Variants in NRK observed in about 807,000 individuals in gnomAD.
NRK encodes the protein Nik related kinase.
A neutral mutation model predicts 125.2 loss-of-function variants in NRK; 67 were observed. That is an observed-to-expected ratio of 0.54 (90% CI 0.44 to 0.66). The LOEUF is 0.66. NRK is among the 30% of genes least tolerant of loss of function. The probability of loss-of-function intolerance (pLI) is 0.00; values close to 1 mark genes in which losing one functional copy is unlikely to be tolerated. For synonymous variants in NRK, 458 were observed against 429.0 expected (o/e 1.07, Z -0.84); for missense variants, 1,224 against 1,192.9 (o/e 1.03, Z -0.38).
In NRK at chrX:105,906,550, A is replaced by G; in HGVS notation, c.982A>G (p.Arg328Gly). 1 of 1,135,548 alleles carries G rather than the reference A, an allele frequency of 8.8e-7. No individual in the cohort carries two copies. Among genetic ancestry groups the G allele is most frequent in the Non-Finnish European group, 1.2e-6 (1 of 846,149 alleles). 93.6% of individuals were successfully genotyped at this position (1,135,548 alleles called of 1,213,427 possible). A position where few individuals can be genotyped will look rare whatever the true frequency, so the allele number is the denominator to read the frequency against. ...ACGACATGTTGTTGAGTCATTAACAAGGCATCTTACTGGAATCATTAAAAA... is the reference window on the plus strand; with the variant it reads ...ACGACATGTTGTTGAGTCATTAACAGGGCATCTTACTGGAATCATTAAAAA... ...NERHVVESLT[R>G]HLTGIIKKRQ... Residue 328 changes from arginine (R) to glycine (G), a missense_variant, in exon 11 of 29, where the codon AGG becomes GGG. Transcript: ENST00000243300.
At position 105,917,642 on chromosome X, in the gene NRK, CA is replaced by C; in HGVS notation, c.2486del (p.Asn829IlefsTer19). On this transcript the variant is annotated frameshift_variant, in exon 16 of 29. Coordinates refer to ENST00000243300, the MANE Select transcript of NRK (RefSeq NM_198465.4). LOFTEE classifies it high-confidence loss of function. ...CATTGACATCAGACAAAGGAGTTCG[CA>C]AAATCGTCAAAATTGGCTGGCAGCA... Reference protein sequence around the residue: ...KPIDIRQRSSQNRQNWLAASE... With the variant: ...KPIDIRQRSSXNRQNWLAASE... The C allele has an allele frequency of 8.7e-7, 1 of 1,155,204 alleles. No homozygotes were observed. Among genetic ancestry groups the C allele is most frequent in the East Asian group, 3.2e-5 (1 of 31,507 alleles).
chrX:105,928,523 A>G (rs1368723797), intron 19 of NRK, among the ~76,000 whole-genome samples: 2 of 110,251 alleles, frequency 1.8e-5, no homozygotes, highest in Middle Eastern at 4.3e-3. Context: ...CTTTATTTCT[A>G]TTAATTTGGG....
intron 13 of NRK, among the ~76,000 whole-genome samples, chrX:105,911,056 G>T (rs900650212): frequency 9.0e-6 from 1 of 111,156 alleles, no homozygotes; most frequent in Non-Finnish European, 1.9e-5. Context: ...AAAGATTAAT[G>T]CTAAACGTGC....
chrX:105,903,967 C>A (rs914777375), intron 9 of NRK, among the ~76,000 whole-genome samples: 1 of 112,102 alleles, frequency 8.9e-6, no homozygotes, highest in African/African-American at 3.2e-5. Context: ...AAAAATGCAT[C>A]TTCTATTAAT....
intron 27 of NRK, among the ~76,000 whole-genome samples, chrX:105,952,012 A>T (rs955913718): frequency 1.8e-5 from 2 of 112,483 alleles, no homozygotes; most frequent in Non-Finnish European, 3.8e-5. Flanking sequence ...TTTCCCTTAT[A>T]TCTGGAGTTA....
intron 1 of NRK, among the ~76,000 whole-genome samples, chrX:105,823,881 A>G (rs1310475777): frequency 8.9e-6 from 1 of 112,498 alleles, no homozygotes; most frequent in African/African-American, 3.2e-5. Context: ...TCACCAGGCA[A>G]CTGTAGTTCA....
chrX:105,909,526 C>T lies in NRK; in HGVS notation c.1885C>T (p.Pro629Ser). 1 of 1,210,044 alleles carries T rather than the reference C, an allele frequency of 8.3e-7. No individual in the cohort carries two copies. The highest frequency in any genetic ancestry group is 1.1e-6 in the Non-Finnish European group (1 of 894,573). Residue 629 changes from proline (P) to serine (S), a missense_variant, in exon 13 of 29, where the codon CCC becomes TCC. Transcript: ENST00000243300. ...TCAGGCACAGGCTTGGACACTAGAA[C>T]CCCCACAGGCAATTGGCTCAGTTCA... ...SPQAQAWTLE[P>S]PQAIGSVQAL...
intron 2 of NRK, among the ~76,000 whole-genome samples, chrX:105,872,815 G>T (rs2039764391): frequency 9.0e-6 from 1 of 111,518 alleles, no homozygotes; most frequent in African/African-American, 3.3e-5. Flanking sequence ...CTAGCCACAT[G>T]TCTTTGTTTT....
intron 2 of NRK, among the ~76,000 whole-genome samples, chrX:105,867,633 A>G (rs1324373921): frequency 8.9e-6 from 1 of 112,143 alleles, no homozygotes; most frequent in Non-Finnish European, 1.9e-5. Context: ...AAACATTAAA[A>G]TAATTCAATC....
At chrX:105,873,318 A>G (rs1443824773) in intron 2 of NRK, among the ~76,000 whole-genome samples, 1 of 111,335 alleles carries the variant, frequency 9.0e-6, no homozygotes, top group Non-Finnish European at 1.9e-5. Flanking sequence ...CTGCTGCGGA[A>G]TGGTGGATTT....
chrX:105,923,340 A>G lies in NRK; in HGVS notation c.2833A>G (p.Thr945Ala). 2 of 1,178,459 alleles carry G rather than the reference A, an allele frequency of 1.7e-6. No individual in the cohort carries two copies. Among genetic ancestry groups the G allele is most frequent in the Non-Finnish European group, 2.3e-6 (2 of 876,827 alleles). ...TGAGTCTAATGATACTTTTGAAGAT[A>G]CCTATGATCATGCCAATGGCAATGA... Reference protein sequence around the residue: ...DDESNDTFEDTYDHANGNDDL... With the variant: ...DDESNDTFEDAYDHANGNDDL... The change falls in exon 18 of 29, where the codon ACC becomes GCC. Residue 945 changes from threonine (T) to alanine (A), a missense_variant. Transcript: ENST00000243300.
At chrX:105,866,258 C>A (rs1438625641) in intron 2 of NRK, among the ~76,000 whole-genome samples, 1 of 111,081 alleles carries the variant, frequency 9.0e-6, no homozygotes, top group Non-Finnish European at 1.9e-5. Flanking sequence ...GACATTGATA[C>A]TTCCATAATC....
intron 5 of NRK, 82 bp downstream of exon 5, chrX:105,888,501 G>A (rs2039976588): frequency 2.4e-6 from 2 of 842,730 alleles, no homozygotes. Flanking sequence ...TATCACTTTT[G>A]TGCATCTACA....
chrX:105,896,305 AAC>A (rs2040082391), intron 7 of NRK, among the ~76,000 whole-genome samples: 1 of 112,032 alleles, frequency 8.9e-6, no homozygotes, highest in African/African-American at 3.2e-5. Context: ...ATTATTTTTC[AAC>A]AGTTTGTAAA....
At chrX:105,838,422 A>G (rs2039292212) in intron 2 of NRK, among the ~76,000 whole-genome samples, 1 of 110,675 alleles carries the variant, frequency 9.0e-6, no homozygotes, top group South Asian at 3.9e-4. Flanking sequence ...AATACTAGTG[A>G]GGTGAGACAA....
intron 4 of NRK, among the ~76,000 whole-genome samples, chrX:105,886,764 AT>A (rs1293957071): frequency 1.8e-5 from 2 of 109,144 alleles, no homozygotes; most frequent in African/African-American, 6.6e-5. Flanking sequence ...ATCGAAAAAA[AT>A]AAAAATAAAT....
intron 14 of NRK, 53 bp from the exon 15 acceptor site, chrX:105,915,677 C>A (rs1183365182): frequency 4.8e-6 from 3 of 622,295 alleles, no homozygotes; most frequent in African/African-American, 4.5e-5. Context: ...ATTAAGAGCT[C>A]AGTACAATTT....
At chrX:105,920,304 A>G (rs533171986) in intron 16 of NRK, among the ~76,000 whole-genome samples, 9 of 107,336 alleles carry the variant, frequency 8.4e-5, no homozygotes, top group African/African-American at 3.3e-4. Context: ...TAGCCTTGTA[A>G]TATAGTTTGA....
intron 2 of NRK, among the ~76,000 whole-genome samples, chrX:105,868,865 T>C (rs1210575133): frequency 2.7e-5 from 3 of 110,068 alleles, no homozygotes; most frequent in Non-Finnish European, 5.7e-5. Flanking sequence ...TCCAGCATTA[T>C]AGTAGCCAAA....
Sources: gnomAD v4.1 joint callset for allele counts (sites outside exome capture counted in the v4.1 genomes callset) on GRCh38, gnomAD v4.1.1 for gene constraint, MANE v1.5 for transcripts, NCBI Gene and HGNC (gene_info 2026-07-23, HGNC 2026-07-21) for gene names.